Variants in ZNF131 observed in about 807,000 individuals in gnomAD.
The protein encoded by ZNF131 is zinc finger protein 131.
ZNF131 carries 7 observed loss-of-function variants against 60.0 expected under a neutral mutation model. The observed-to-expected ratio is 0.12, with a 90% CI of 0.07 to 0.22. The LOEUF is 0.22. ZNF131 is among the 10% of genes least tolerant of loss of function. ZNF131 has a pLI of 1.00. For missense variants in ZNF131, 493 were observed against 740.9 expected, an observed-to-expected ratio of 0.67 and a Z score of 3.88; for synonymous variants, 257 against 253.2, an observed-to-expected ratio of 1.01 and a Z score of -0.14.
chr5:43,123,362 T>C (rs777030191), intron 3 of ZNF131, 52 bp downstream of exon 3: 7 of 1,465,582 alleles, frequency 4.8e-6, no homozygotes, highest in African/African-American at 2.9e-5. Context: ...AGCCATTTTA[T>C]TTAAATGCTT....
chr5:43,155,127 A>G (rs561894496), intron 4 of ZNF131, among the ~76,000 whole-genome samples: 1 of 152,300 alleles, frequency 6.6e-6, no homozygotes, highest in African/African-American at 2.4e-5. Context: ...TAAGGGCTCC[A>G]TTAATCTAGT....
At chr5:43,124,135 GTAA>G (rs1178408160) in intron 3 of ZNF131, 1 of 152,062 alleles carries the variant, frequency 6.6e-6, no homozygotes, top group Non-Finnish European at 1.5e-5. Context: ...GGTGTTATTT[GTAA>G]TAATTTACAC....
At position 43,175,600 on chromosome 5, in the gene ZNF131, G is replaced by T; in HGVS notation, c.*467G>T. 1.8e-6 allele frequency: 1 copy of T among 565,698 alleles called. No homozygotes were observed. 35.0% of individuals were successfully genotyped at this position (565,698 alleles called of 1,614,324 possible). On this transcript the variant is annotated 3_prime_UTR_variant, in exon 7 of 7. Coordinates refer to ENST00000682664, the MANE Select transcript of ZNF131 (RefSeq NM_001330707.2). ...ATGATGAAAAGTGCATTGTTACTGT[G>T]CAGTTAAATTTTGGCTTCTGGCTTT...
At chr5:43,143,938 C>CTTTTTTTTTTTTTT in intron 4 of ZNF131, among the ~76,000 whole-genome samples, 1 of 52,202 alleles carries the variant, frequency 1.9e-5, no homozygotes, top group Non-Finnish European at 3.6e-5. Flanking sequence ...TTTTTTTTTC[C>CTTTTTTTTTTTTTT]TTGAGACGGA....
intron 3 of ZNF131, among the ~76,000 whole-genome samples, chr5:43,133,334 G>C (rs1745607338): frequency 2.0e-5 from 3 of 152,022 alleles, no homozygotes; most frequent in South Asian, 4.1e-4. Flanking sequence ...GCGTGGTGGT[G>C]GGCACCTGTA....
At chr5:43,126,015 T>A (rs1389402552) in intron 3 of ZNF131, among the ~76,000 whole-genome samples, 1 of 152,210 alleles carries the variant, frequency 6.6e-6, no homozygotes, top group East Asian at 1.9e-4. Context: ...AAATAATTAA[T>A]TTGGTTCAGT....
intron 5 of ZNF131, among the ~76,000 whole-genome samples, chr5:43,163,147 G>A (rs1397676861): frequency 6.6e-6 from 1 of 151,334 alleles, no homozygotes; most frequent in Non-Finnish European, 1.5e-5. Context: ...GCTAATTTTT[G>A]TATTTTTAGT....
At chr5:43,121,873 C>T in intron 1 of ZNF131, 166 bp from the exon 2 acceptor site, 1 of 720,100 alleles carries the variant, frequency 1.4e-6, no homozygotes, top group Non-Finnish European at 2.1e-6. Flanking sequence ...CTCAACGCTC[C>T]GGGGCCGCTC....
At chr5:43,139,540 TAATAA>T (rs1561404914) in intron 4 of ZNF131, among the ~76,000 whole-genome samples, 4 of 152,240 alleles carry the variant, frequency 2.6e-5, no homozygotes, top group African/African-American at 9.6e-5. Context: ...CTTTGGTATG[TAATAA>T]AATAAATCTA....
At chr5:43,146,772 G>A (rs1747634061) in intron 4 of ZNF131, among the ~76,000 whole-genome samples, 1 of 152,058 alleles carries the variant, frequency 6.6e-6, no homozygotes, top group African/African-American at 2.4e-5. Context: ...CGGACATGGT[G>A]GCGTGCGCCT....
chr5:43,160,192 A>AAAC (rs1561434345), intron 4 of ZNF131, among the ~76,000 whole-genome samples: 2 of 148,188 alleles, frequency 1.3e-5, no homozygotes, highest in East Asian at 3.9e-4. Context: ...ACAAAACAAA[A>AAAC]AAAAAAACAA....
Position 43,139,259 on chromosome 5 carries a change from A to G in ZNF131, c.321A>G (p.Lys107=), listed in dbSNP as rs1005767792. 6.2e-7 allele frequency: 1 copy of G among 1,613,052 alleles called. No individual in the cohort carries two copies. The highest frequency in any genetic ancestry group is 8.5e-7 in the Non-Finnish European group (1 of 1,179,616). ...AAGAAGAAGCCAATGATGTATGGAA[A>G]GCAGCAGAGTTTCTACAAATGCTAG... ...QGEEEANDVW[K]AAEFLQMLEA... Residue 107 remains lysine (K), a synonymous_variant, in exon 4 of 7, where the codon AAA becomes AAG. Coordinates refer to ENST00000682664, the MANE Select transcript of ZNF131 (RefSeq NM_001330707.2).
intron 4 of ZNF131, among the ~76,000 whole-genome samples, chr5:43,148,230 C>T (rs909031919): frequency 1.4e-4 from 21 of 151,342 alleles, no homozygotes; most frequent in Non-Finnish European, 5.9e-5. Flanking sequence ...AAAATTTTAA[C>T]TAGCTATGTG....
intron 5 of ZNF131, among the ~76,000 whole-genome samples, chr5:43,164,380 T>C (rs1750105852): frequency 6.6e-6 from 1 of 152,202 alleles, no homozygotes; most frequent in Non-Finnish European, 1.5e-5. Context: ...CTGCCTACAG[T>C]TACAATTTTT....
At chr5:43,138,750 TA>T (rs1746445239) in intron 3 of ZNF131, among the ~76,000 whole-genome samples, 1 of 152,108 alleles carries the variant, frequency 6.6e-6, no homozygotes, top group Non-Finnish European at 1.5e-5. Flanking sequence ...TTTGGAAAGG[TA>T]AATAGGAAAA....
intron 5 of ZNF131, among the ~76,000 whole-genome samples, chr5:43,165,320 G>A (rs1306430953): frequency 2.3e-5 from 2 of 86,610 alleles, no homozygotes; most frequent in African/African-American, 6.9e-5. Context: ...TTGGCTTGCA[G>A]ATGGCTAACC....
intron 2 of ZNF131, among the ~76,000 whole-genome samples, chr5:43,122,808 A>G (rs1193044162): frequency 6.6e-6 from 1 of 152,214 alleles, no homozygotes; most frequent in Non-Finnish European, 1.5e-5. Flanking sequence ...TTTTCATAGC[A>G]GACATATCCA....
At chr5:43,130,283 G>GAAAAAAAAAAAAA (rs1745158956) in intron 3 of ZNF131, among the ~76,000 whole-genome samples, 1 of 59,928 alleles carries the variant, frequency 1.7e-5, no homozygotes, top group Non-Finnish European at 3.5e-5. Flanking sequence ...AAAAAAAAAA[G>GAAAAAAAAAAAAA]AGGAAAGTAG....
intron 4 of ZNF131, among the ~76,000 whole-genome samples, chr5:43,155,448 T>C (rs1748839800): frequency 6.6e-6 from 1 of 152,074 alleles, no homozygotes; most frequent in Admixed American, 6.6e-5. Flanking sequence ...GTAATAACCG[T>C]TGGGTAGAGG....
Sources: gnomAD v4.1 joint callset for allele counts (sites outside exome capture counted in the v4.1 genomes callset) on GRCh38, gnomAD v4.1.1 for gene constraint, MANE v1.5 for transcripts, NCBI Gene and HGNC (gene_info 2026-07-23, HGNC 2026-07-21) for gene names.